Variants in CHN2 observed in about 807,000 individuals in gnomAD.
CHN2 encodes chimerin 2, also known as beta-chimaerin.
CHN2 carries 35 observed loss-of-function variants against 56.3 expected under a neutral mutation model. That is an observed-to-expected ratio of 0.62 (90% CI 0.47 to 0.82). CHN2 has a LOEUF of 0.82. Among genes scored for constraint, CHN2 ranks in the 40% least tolerant of loss-of-function variants. The pLI is 0.00. For synonymous variants in CHN2, 210 were observed against 212.8 expected (o/e 0.99, Z 0.12); for missense variants, 491 against 580.5 (o/e 0.85, Z 1.58).
chr7:29,211,068 T>G (rs57973565), intron 1 of CHN2, among the ~76,000 whole-genome samples: 18,982 of 147,422 alleles, frequency 0.13, 1,949 homozygotes, highest in East Asian at 0.44. Flanking sequence ...TGTTTTTTTT[T>G]TTGTTGTTGT....
At chr7:29,464,547 A>T (rs1011784306) in intron 6 of CHN2, among the ~76,000 whole-genome samples, 5 of 152,166 alleles carry the variant, frequency 3.3e-5, no homozygotes, top group Admixed American at 2.0e-4. Context: ...AGCTTATTTT[A>T]AAAAAGTGGA....
chr7:29,423,785 G>A (rs78344393), intron 6 of CHN2, among the ~76,000 whole-genome samples: 2,928 of 152,292 alleles, frequency 0.019, 42 homozygotes, highest in Non-Finnish European at 0.03. Context: ...CTTTCCATGG[G>A]ACTTCAGGAG....
intron 1 of CHN2, among the ~76,000 whole-genome samples, chr7:29,299,390 G>A (rs1793463029): frequency 6.6e-6 from 1 of 152,210 alleles, no homozygotes; most frequent in African/African-American, 2.4e-5. Context: ...CCCATAGGCA[G>A]TGCTGTCTGG....
rs569685173 is a variant in CHN2 at position 29,298,745 on chromosome 7, A to G, written c.50-55880A>G. On this transcript the variant is annotated intron_variant, in intron 1 of 12. Transcript: ENST00000222792. ...AGCTGGAGATTGCTGGTTGGTTTAC[A>G]AGAACAAGCAGGTTAGTTTAAAAAT... Among the ~76,000 whole-genome samples, 11 of 152,352 alleles carry G rather than the reference A, an allele frequency of 7.2e-5. No homozygotes were observed. The South Asian group carries it at 2.3e-3, about 32-fold the overall frequency.
intron 6 of CHN2, among the ~76,000 whole-genome samples, chr7:29,448,574 T>C (rs1396745489): frequency 6.6e-6 from 1 of 152,198 alleles, no homozygotes; most frequent in Non-Finnish European, 1.5e-5. Context: ...GCCTCATAGA[T>C]CACTACCCAC....
At chr7:29,413,222 G>A (rs1044669119) in intron 6 of CHN2, among the ~76,000 whole-genome samples, 2 of 152,198 alleles carry the variant, frequency 1.3e-5, no homozygotes, top group Non-Finnish European at 2.9e-5. Context: ...AGAAGAGAAA[G>A]TTAAAGTTTA....
chr7:29,466,644 T>C (rs776854424), intron 6 of CHN2, among the ~76,000 whole-genome samples: 2 of 152,196 alleles, frequency 1.3e-5, no homozygotes, highest in Non-Finnish European at 2.9e-5. Context: ...AGAATTTTCA[T>C]TTCCAATAAA....
At chr7:29,392,842 A>G (rs945371597) in intron 3 of CHN2, among the ~76,000 whole-genome samples, 1 of 152,230 alleles carries the variant, frequency 6.6e-6, no homozygotes, top group Non-Finnish European at 1.5e-5. Context: ...GTGAATAAAC[A>G]TAAACTTGCT....
chr7:29,398,268 G>A (rs1437346948), intron 4 of CHN2, 105 bp from the exon 5 acceptor site: 2 of 803,998 alleles, frequency 2.5e-6, no homozygotes, highest in Admixed American at 1.8e-5. Context: ...CTCAGTTGTG[G>A]GGCTGTCGAT....
chr7:29,280,799 C>T (rs1305094233), intron 1 of CHN2, among the ~76,000 whole-genome samples: 1 of 152,148 alleles, frequency 6.6e-6, no homozygotes, highest in Non-Finnish European at 1.5e-5. Context: ...GAACACATAA[C>T]TAAAGTATCT....
intron 1 of CHN2, among the ~76,000 whole-genome samples, chr7:29,307,032 C>T (rs147348235): frequency 6.0e-4 from 92 of 152,310 alleles, no homozygotes; most frequent in African/African-American, 2.0e-3. Context: ...CGTAATCTCT[C>T]ATTTTGGGGA....
chr7:29,201,580 T>G (rs1355666794), intron 1 of CHN2, among the ~76,000 whole-genome samples: 1 of 152,214 alleles, frequency 6.6e-6, no homozygotes, highest in East Asian at 1.9e-4. Context: ...CTGCCCTGTG[T>G]ATAGCTGTGT....
chr7:29,280,647 C>G (rs1584950631), intron 1 of CHN2, among the ~76,000 whole-genome samples: 2 of 152,122 alleles, frequency 1.3e-5, no homozygotes, highest in African/African-American at 4.8e-5. Context: ...TTGTTACTTA[C>G]AGCTGAACAG....
intron 10 of CHN2, 43 bp downstream of exon 10, chr7:29,504,864 C>A (rs745818444): frequency 1.0e-5 from 14 of 1,351,874 alleles, no homozygotes; most frequent in Non-Finnish European, 1.5e-5. Flanking sequence ...ATCCTAACAC[C>A]CTTCTCGATT....
At chr7:29,175,044 T>G (rs1797103532) in intron 2 of CHN2, among the ~76,000 whole-genome samples, 1 of 152,144 alleles carries the variant, frequency 6.6e-6, no homozygotes, top group Admixed American at 6.5e-5. Flanking sequence ...CATCTTGAAT[T>G]GTAGCTCCCA....
At chr7:29,491,500 C>G (rs1788666083) in intron 7 of CHN2, among the ~76,000 whole-genome samples, 1 of 152,136 alleles carries the variant, frequency 6.6e-6, no homozygotes, top group Admixed American at 6.5e-5. Context: ...CCCTGGACAC[C>G]TGGGCTCAAG....
intron 1 of CHN2, among the ~76,000 whole-genome samples, chr7:29,276,070 A>G (rs902623272): frequency 6.6e-6 from 1 of 152,146 alleles, no homozygotes; most frequent in Non-Finnish European, 1.5e-5. Context: ...AAAAAAAACA[A>G]AACACGCATG....
chr7:29,174,139 C>T lies in CHN2; in HGVS notation c.274+27179C>T, dbSNP rs35313957. Among the ~76,000 whole-genome samples the T allele has an allele frequency of 5.3e-3, 811 of 151,912 alleles. 6 individuals are homozygous for T. The highest frequency in any genetic ancestry group is 0.034 in the Middle Eastern group (10 of 294). On this transcript the variant is annotated intron_variant, in intron 2 of 6. Transcript: ENST00000439384. ...GGGCAAAAGGCTGGAGAGACCCCCC[C>T]GTTTGGTGGCACAGGATGCAGGAGG... is the stretch of plus-strand genomic sequence containing the variant.
chr7:29,395,103 A>G (rs1228092574), intron 4 of CHN2, among the ~76,000 whole-genome samples: 1 of 152,274 alleles, frequency 6.6e-6, no homozygotes, highest in Non-Finnish European at 1.5e-5. Flanking sequence ...CCTAGAAGGA[A>G]TCACAAGAAA....
Sources: allele counts gnomAD v4.1 joint callset (sites outside exome capture counted in the v4.1 genomes callset), GRCh38; gene constraint gnomAD v4.1.1; transcripts MANE v1.5; gene names NCBI Gene and HGNC (gene_info 2026-07-23, HGNC 2026-07-21).